LRRC28: variants seen among roughly 807,000 people sequenced by gnomAD.
LRRC28 encodes the protein leucine-rich repeat-containing protein 28.
In LRRC28, 39 loss-of-function variants were observed where a neutral mutation model predicts 45.7. The observed-to-expected ratio is 0.85, with a 90% CI of 0.66 to 1.12. LRRC28 has a LOEUF of 1.12. Ranked by LOEUF, LRRC28 falls within the 50% of genes most tolerant of loss-of-function variation. The pLI, the probability that LRRC28 is intolerant of heterozygous loss-of-function variation, is 0.00. For missense variants in LRRC28, 435 were observed against 438.5 expected (o/e 0.99, Z 0.07); for synonymous variants, 206 against 178.8 (o/e 1.15, Z -1.22).
At chr15:99,287,625 A>T (rs1695946393) in intron 4 of LRRC28, among the ~76,000 whole-genome samples, 189 bp from the exon 5 acceptor site, 1 of 152,188 alleles carries the variant, frequency 6.6e-6, no homozygotes, top group Non-Finnish European at 1.5e-5. Context: ...ATTTTAAGTT[A>T]TATTTTATCT....
chr15:99,282,684 AC>A (rs1186249928), intron 3 of LRRC28, among the ~76,000 whole-genome samples: 1 of 152,210 alleles, frequency 6.6e-6, no homozygotes, highest in East Asian at 1.9e-4. Flanking sequence ...GGTAGGCTAT[AC>A]CATCTAGGTT....
At chr15:99,287,386 A>G in intron 4 of LRRC28, 92 bp downstream of exon 4, 1 of 961,812 alleles carries the variant, frequency 1.0e-6, no homozygotes, top group East Asian at 3.0e-5. Flanking sequence ...GACACCTTTA[A>G]TTTTTTAGCT....
At chr15:99,334,196 G>C (rs1956247399) in intron 6 of LRRC28, 67 bp downstream of exon 6, 1 of 1,548,008 alleles carries the variant, frequency 6.5e-7, no homozygotes, top group African/African-American at 1.4e-5. Context: ...TCTTTGACTA[G>C]AACCAATTAG....
chr15:99,319,677 C>T (rs1189877161), intron 5 of LRRC28, among the ~76,000 whole-genome samples: 1 of 145,250 alleles, frequency 6.9e-6, no homozygotes, highest in African/African-American at 2.6e-5. Context: ...TTTTAAATTA[C>T]TGTCTTTAAC....
intron 9 of LRRC28, among the ~76,000 whole-genome samples, chr15:99,368,151 T>C (rs2152331306): frequency 6.6e-6 from 1 of 152,322 alleles, no homozygotes; most frequent in Non-Finnish European, 1.5e-5. Flanking sequence ...CCCCATCCCA[T>C]GCCCAGAAAG....
chr15:99,275,727 G>A (rs1169255928), intron 2 of LRRC28, among the ~76,000 whole-genome samples: 2 of 152,066 alleles, frequency 1.3e-5, no homozygotes, highest in African/African-American at 4.8e-5. Context: ...GGCAACCTTC[G>A]GTGTTCCTCA....
intron 5 of LRRC28, among the ~76,000 whole-genome samples, chr15:99,301,064 T>C (rs1459211263): frequency 6.6e-6 from 1 of 152,226 alleles, no homozygotes; most frequent in Non-Finnish European, 1.5e-5. Context: ...GCAGTATTTT[T>C]ATCCATCAGA....
At position 99,301,189 on chromosome 15, in the gene LRRC28, A is replaced by C. The variant is rs559966168; in HGVS notation, c.385+13238A>C. ...AGACCAAATCCCTAAATTATTTAGCAATCTAAGAGTCAAATATTTGTATTG... is the reference window on the plus strand; with the variant it reads ...AGACCAAATCCCTAAATTATTTAGCCATCTAAGAGTCAAATATTTGTATTG... On this transcript the variant is annotated intron_variant, in intron 5 of 9. Transcript: ENST00000301981. Among the ~76,000 whole-genome samples the C allele has an allele frequency of 2.6e-5, 4 of 152,352 alleles. No individual in the cohort carries two copies. In the South Asian group the frequency reaches 8.3e-4, roughly 32 times the overall value.
chr15:99,291,630 G>A (rs2082124584), intron 5 of LRRC28, among the ~76,000 whole-genome samples: 1 of 152,158 alleles, frequency 6.6e-6, no homozygotes, highest in South Asian at 2.1e-4. Context: ...TCCATGCTGA[G>A]ACTTGTCACA....
chr15:99,269,385 C>T (rs2081413002), intron 2 of LRRC28, among the ~76,000 whole-genome samples: 1 of 151,736 alleles, frequency 6.6e-6, no homozygotes, highest in Admixed American at 6.6e-5. Context: ...ATGAATTCTG[C>T]ACACTTTACC....
At chr15:99,305,985 A>G (rs911856726) in intron 5 of LRRC28, among the ~76,000 whole-genome samples, 1 of 152,258 alleles carries the variant, frequency 6.6e-6, no homozygotes, top group African/African-American at 2.4e-5. Context: ...TTTATTTTTA[A>G]CAACATGATT....
At chr15:99,281,070 C>G (rs946224652) in intron 3 of LRRC28, among the ~76,000 whole-genome samples, 1 of 151,884 alleles carries the variant, frequency 6.6e-6, no homozygotes, top group Non-Finnish European at 1.5e-5. Context: ...CTCTGTCGCC[C>G]AGGCTGGAGT....
At chr15:99,385,843 C>T (rs575980895) in intron 9 of LRRC28, among the ~76,000 whole-genome samples, 187 bp from the exon 10 acceptor site, 13 of 150,356 alleles carry the variant, frequency 8.6e-5, no homozygotes, top group Non-Finnish European at 1.8e-4. Context: ...ATAAAATGAA[C>T]ATTCACATGT....
intron 2 of LRRC28, chr15:99,258,956 T>C (rs1195216533): frequency 1.4e-6 from 1 of 740,408 alleles, no homozygotes; most frequent in African/African-American, 1.7e-5. Flanking sequence ...GAATGTTTCC[T>C]GTGAGACTCT....
chr15:99,343,693 T>C (rs2152306982), intron 6 of LRRC28, among the ~76,000 whole-genome samples: 1 of 152,318 alleles, frequency 6.6e-6, no homozygotes, highest in South Asian at 2.1e-4. Flanking sequence ...TTGCGTGATG[T>C]ATCTATTGTA....
intron 2 of LRRC28, among the ~76,000 whole-genome samples, chr15:99,260,604 T>G (rs1159744998): frequency 1.3e-5 from 2 of 152,260 alleles, no homozygotes; most frequent in Non-Finnish European, 2.9e-5. Flanking sequence ...ATTGCCTGAT[T>G]ATATCAGATA....
At chr15:99,257,775 G>C (rs1008180531) in intron 2 of LRRC28, 1 of 778,180 alleles carries the variant, frequency 1.3e-6, no homozygotes, top group Non-Finnish European at 2.4e-6. Flanking sequence ...TGATGAAGTA[G>C]TACAGAGAGA....
rs368812087 is a variant in LRRC28, at chr15:99,361,348, C to T, written c.708C>T (p.Pro236=). 8 of 1,612,490 alleles carry T rather than the reference C, an allele frequency of 5.0e-6. No homozygotes were observed. In the African/African-American group the frequency reaches 1.1e-4, roughly 22 times the overall value. The change falls in exon 8 of 10, where the codon CCC becomes CCT. Residue 236 remains proline (P), a synonymous_variant. Transcript: ENST00000301981. The stretch of plus-strand genomic sequence containing the variant: ...TGTCTTTCTGCAGCTGTGGTGCTCC[C>T]ATTCAAGTTTCCGAGGTGAAGCTGC... ...KVIGCSGCGA[P]IQVSEVKLLS...
intron 9 of LRRC28, among the ~76,000 whole-genome samples, chr15:99,373,698 A>G (rs145942423): frequency 1.1e-3 from 175 of 152,328 alleles, no homozygotes; most frequent in African/African-American, 3.5e-3. Flanking sequence ...ATGCAAAAGT[A>G]TCTAATAACT....
Sources: gnomAD v4.1 joint callset for allele counts (sites outside exome capture counted in the v4.1 genomes callset) on GRCh38, gnomAD v4.1.1 for gene constraint, MANE v1.5 for transcripts, NCBI Gene and HGNC (gene_info 2026-07-23, HGNC 2026-07-21) for gene names.